Variants in THADA observed in about 807,000 individuals in gnomAD.
The protein encoded by THADA is tRNA (32-2'-O)-methyltransferase regulator THADA.
A neutral mutation model predicts 219.8 loss-of-function variants in THADA; 213 were observed. That is an observed-to-expected ratio of 0.97 (90% CI 0.87 to 1.09). The LOEUF is 1.09. THADA is among the 50% of genes least tolerant of loss of function. The probability of loss-of-function intolerance (pLI) is 0.00; values close to 1 mark genes in which losing one functional copy is unlikely to be tolerated. For missense variants in THADA, 2,956 were observed against 2,311.3 expected, an observed-to-expected ratio of 1.28 and a Z score of -5.72; for synonymous variants, 1,018 against 828.9, an observed-to-expected ratio of 1.23 and a Z score of -3.92.
chr2:43,544,861 C>A (rs1452103754), intron 20 of THADA, among the ~76,000 whole-genome samples: 3 of 149,386 alleles, frequency 2.0e-5, no homozygotes, highest in Non-Finnish European at 4.5e-5. Context: ...ACTGAATACC[C>A]TTTATTTCCT....
chr2:43,286,739 G>A (rs1006598399), intron 35 of THADA, among the ~76,000 whole-genome samples, 169 bp downstream of exon 35: 3 of 152,038 alleles, frequency 2.0e-5, no homozygotes, highest in African/African-American at 4.8e-5. Context: ...AAAAAAGAGT[G>A]TGTTCGTGAA....
intron 29 of THADA, among the ~76,000 whole-genome samples, chr2:43,381,369 A>C (rs1324868964): frequency 2.6e-5 from 4 of 152,154 alleles, no homozygotes; most frequent in Admixed American, 2.0e-4. Context: ...AGAATTCAAA[A>C]TAAGTAATGT....
intron 31 of THADA, among the ~76,000 whole-genome samples, chr2:43,297,836 C>A (rs1290190108): frequency 3.3e-5 from 4 of 121,646 alleles, no homozygotes; most frequent in African/African-American, 3.8e-5. Flanking sequence ...GGGGATCAGC[C>A]CCCCCGCCCG....
intron 30 of THADA, among the ~76,000 whole-genome samples, chr2:43,332,462 A>G (rs930993275): frequency 4.6e-5 from 7 of 152,210 alleles, no homozygotes; most frequent in African/African-American, 1.7e-4. Context: ...TCTGAAACAG[A>G]GACAATTATC....
chr2:43,502,687 A>G (rs933884696), intron 24 of THADA, among the ~76,000 whole-genome samples: 7 of 151,906 alleles, frequency 4.6e-5, no homozygotes, highest in African/African-American at 1.7e-4. Flanking sequence ...ATCCAAATGT[A>G]CAACCATAAA....
At chr2:43,557,932 AT>A (rs1697581849) in intron 16 of THADA, among the ~76,000 whole-genome samples, 1 of 152,220 alleles carries the variant, frequency 6.6e-6, no homozygotes, top group Admixed American at 6.5e-5. Context: ...TGATAAGTTT[AT>A]TTTCTATGAC....
intron 21 of THADA, among the ~76,000 whole-genome samples, chr2:43,529,202 G>C (rs1204880486): frequency 6.6e-6 from 1 of 151,508 alleles, no homozygotes; most frequent in Non-Finnish European, 1.5e-5. Flanking sequence ...ACCCAGGCTG[G>C]AGTGCAGTGG....
intron 13 of THADA, among the ~76,000 whole-genome samples, chr2:43,570,742 G>T (rs542953401): frequency 1.3e-5 from 2 of 152,124 alleles, no homozygotes; most frequent in Non-Finnish European, 2.9e-5. Flanking sequence ...CTTTAAGTTG[G>T]CACAAACCTG....
At chr2:43,545,378 G>A (rs1269436597) in intron 20 of THADA, among the ~76,000 whole-genome samples, 9 of 151,940 alleles carry the variant, frequency 5.9e-5, no homozygotes, top group African/African-American at 2.2e-4. Context: ...TCAGGATGAT[G>A]CTGGCCTCAT....
At chr2:43,539,157 G>C (rs1694979003) in intron 21 of THADA, among the ~76,000 whole-genome samples, 1 of 152,214 alleles carries the variant, frequency 6.6e-6, no homozygotes, top group East Asian at 1.9e-4. Flanking sequence ...CTGCCTGCAA[G>C]TCACTTCACT....
rs189860616 is a variant in THADA at position 43,472,518 on chromosome 2, A to C, written c.3836+12716T>G. Among the ~76,000 whole-genome samples, 15 of 152,364 alleles carry C rather than the reference A, an allele frequency of 9.8e-5. No individual in the cohort carries two copies. The East Asian group carries it at 2.7e-3, about 27-fold the overall frequency. ...TTGAAGCTAAACGGAAAGTTGGCTTAATTAAAGCATGAAAGAGATGGAGAT... is the reference window on the plus strand; with the variant it reads ...TTGAAGCTAAACGGAAAGTTGGCTTCATTAAAGCATGAAAGAGATGGAGAT... On this transcript the variant is annotated intron_variant, in intron 26 of 37. Coordinates refer to ENST00000405975, the MANE Select transcript of THADA (RefSeq NM_022065.5).
chr2:43,339,198 C>T (rs2104522423), intron 30 of THADA, among the ~76,000 whole-genome samples: 1 of 152,298 alleles, frequency 6.6e-6, no homozygotes, highest in Non-Finnish European at 1.5e-5. Flanking sequence ...TAGCAGCACA[C>T]AACAATGAAG....
intron 31 of THADA, among the ~76,000 whole-genome samples, chr2:43,301,051 G>T (rs188878398): frequency 6.6e-4 from 101 of 152,264 alleles, no homozygotes; most frequent in South Asian, 1.5e-3. Flanking sequence ...TCCCACTCTT[G>T]TAGATTCTGA....
chr2:43,252,208 T>G (rs778103268), intron 36 of THADA, among the ~76,000 whole-genome samples: 1 of 152,184 alleles, frequency 6.6e-6, no homozygotes, highest in Non-Finnish European at 1.5e-5. Context: ...TCACCATTTT[T>G]CAACCTCTTC....
intron 36 of THADA, among the ~76,000 whole-genome samples, chr2:43,248,528 G>A (rs965962977): frequency 5.3e-5 from 8 of 152,082 alleles, no homozygotes; most frequent in African/African-American, 1.4e-4. Flanking sequence ...CACCACGCTC[G>A]CTCAGTAAAG....
At chr2:43,540,429 A>G (rs1016315011) in intron 21 of THADA, among the ~76,000 whole-genome samples, 5 of 152,288 alleles carry the variant, frequency 3.3e-5, no homozygotes, top group Middle Eastern at 3.4e-3. Context: ...GCATACTACA[A>G]TATTTGTTTT....
intron 20 of THADA, among the ~76,000 whole-genome samples, chr2:43,544,196 G>A (rs554948553): frequency 9.9e-5 from 15 of 152,090 alleles, no homozygotes; most frequent in South Asian, 2.1e-4. Context: ...TAAGAGTGGC[G>A]TTATTTCTGA....
chr2:43,595,229 G>A (rs1441675950), intron 1 of THADA, among the ~76,000 whole-genome samples: 2 of 152,194 alleles, frequency 1.3e-5, no homozygotes, highest in Non-Finnish European at 2.9e-5. Flanking sequence ...TACATCTTAA[G>A]AACCTATGGT....
At position 43,344,863 on chromosome 2, in the gene THADA, T is replaced by C. The variant is rs897052862; in HGVS notation, c.4228-626A>G. The stretch of plus-strand genomic sequence containing the variant: ...ATACAAGGATACTCGTGTATATGCA[T>C]GTATGCACGTATGTATGTACTGGAT... On this transcript the variant is annotated intron_variant, in intron 29 of 37. Coordinates refer to ENST00000405975, the MANE Select transcript of THADA (RefSeq NM_022065.5). Among the ~76,000 whole-genome samples the C allele has an allele frequency of 3.3e-5, 5 of 152,254 alleles. 1 individual carries two copies. Among genetic ancestry groups the C allele is most frequent in the African/African-American group, 9.6e-5 (4 of 41,536 alleles).
Sources: gnomAD v4.1 joint callset for allele counts (sites outside exome capture counted in the v4.1 genomes callset) on GRCh38, gnomAD v4.1.1 for gene constraint, MANE v1.5 for transcripts, NCBI Gene and HGNC (gene_info 2026-07-23, HGNC 2026-07-21) for gene names.